XYLT1: variants seen among roughly 807,000 people sequenced by gnomAD.
XYLT1 encodes xylosyltransferase 1.
XYLT1 carries 36 observed loss-of-function variants against 91.3 expected under a neutral mutation model. The observed-to-expected ratio is 0.39, with a 90% confidence interval of 0.30 to 0.52. XYLT1 has a LOEUF of 0.52. Among genes scored for constraint, XYLT1 ranks in the 20% least tolerant of loss-of-function variants. The probability of loss-of-function intolerance (pLI) is 0.68; values close to 1 mark genes in which losing one functional copy is unlikely to be tolerated. For missense variants in XYLT1, 1,242 were observed against 1,284.5 expected, an observed-to-expected ratio of 0.97 and a Z score of 0.51; for synonymous variants, 588 against 532.0, an observed-to-expected ratio of 1.11 and a Z score of -1.45.
intron 1 of XYLT1, among the ~76,000 whole-genome samples, chr16:17,454,728 G>A (rs563778497): frequency 9.2e-5 from 14 of 151,826 alleles, no homozygotes; most frequent in South Asian, 4.2e-4. Context: ...TAGTAGAGAT[G>A]GGGTTTCAAC....
chr16:17,235,867 G>A (rs2033239378), intron 3 of XYLT1, among the ~76,000 whole-genome samples: 1 of 151,902 alleles, frequency 6.6e-6, no homozygotes, highest in Non-Finnish European at 1.5e-5. Context: ...CTTAATCATT[G>A]TTATTATTAT....
At chr16:17,454,202 G>T (rs190800026) in intron 1 of XYLT1, among the ~76,000 whole-genome samples, 1 of 152,166 alleles carries the variant, frequency 6.6e-6, no homozygotes, top group African/African-American at 2.4e-5. Context: ...TATGTTTGCC[G>T]AAAGAGATGT....
intron 3 of XYLT1, 108 bp downstream of exon 3, chr16:17,258,880 A>C: frequency 7.6e-7 from 1 of 1,315,758 alleles, no homozygotes; most frequent in Non-Finnish European, 9.9e-7. Flanking sequence ...GGTTTGGAAA[A>C]CAGGGTGGCC....
intron 6 of XYLT1, among the ~76,000 whole-genome samples, chr16:17,147,938 G>A (rs1383536970): frequency 1.3e-5 from 2 of 152,106 alleles, no homozygotes; most frequent in African/African-American, 4.8e-5. Flanking sequence ...TACAAAAGGT[G>A]ACCAATGATA....
At position 17,259,223 on chromosome 16, in the gene XYLT1, G is replaced by T; in HGVS notation, c.678C>A (p.Asn226Lys). The T allele has an allele frequency of 6.2e-7, 1 of 1,614,038 alleles. No individual in the cohort carries two copies. Among genetic ancestry groups the T allele is most frequent in the Non-Finnish European group, 8.5e-7 (1 of 1,179,988 alleles). The change falls in exon 3 of 12, where the codon AAC becomes AAA. Residue 226 changes from asparagine to lysine, a missense_variant. Asn to Lys is a moderately conservative substitution (Grantham distance 94, BLOSUM62 0). Transcript: ENST00000261381. ...VLPPGDRAAA[N>K]SSHGKDVSRP... The stretch of plus-strand genomic sequence containing the variant: ...TGGACACATCCTTCCCGTGGCTGCT[G>T]TTGGCTGCGGCTCTGTCCCCGGGAG...
At chr16:17,372,251 C>G (rs1204729908) in intron 1 of XYLT1, among the ~76,000 whole-genome samples, 1 of 152,210 alleles carries the variant, frequency 6.6e-6, no homozygotes, top group African/African-American at 2.4e-5. Flanking sequence ...CACATGCTAA[C>G]TGTGTTTACA....
At chr16:17,133,975 T>G (rs554725225) in intron 9 of XYLT1, among the ~76,000 whole-genome samples, 1 of 152,218 alleles carries the variant, frequency 6.6e-6, no homozygotes, top group Non-Finnish European at 1.5e-5. Context: ...GCTGAAATGA[T>G]AGGATGTCTG....
At chr16:17,139,820 CAT>C (rs1355637399) in intron 7 of XYLT1, among the ~76,000 whole-genome samples, 14 of 152,340 alleles carry the variant, frequency 9.2e-5, no homozygotes, top group East Asian at 1.9e-4. Flanking sequence ...GATTACTTAA[CAT>C]GTGTGCAGAA....
intron 1 of XYLT1, among the ~76,000 whole-genome samples, chr16:17,418,205 A>G (rs567107584): frequency 8.9e-4 from 135 of 152,386 alleles, no homozygotes; most frequent in African/African-American, 3.1e-3. Flanking sequence ...ACCCTGTAAG[A>G]TCCAGCATAA....
chr16:17,267,112 G>A (rs2033818661), intron 2 of XYLT1, among the ~76,000 whole-genome samples: 1 of 152,202 alleles, frequency 6.6e-6, no homozygotes. Flanking sequence ...CACAGGGTGA[G>A]GCAGGAAGGA....
At chr16:17,262,799 C>G (rs7206442) in intron 2 of XYLT1, among the ~76,000 whole-genome samples, 10,139 of 152,110 alleles carry the variant, frequency 0.067, 1,105 homozygotes, top group African/African-American at 0.23. Context: ...GAAATTGACC[C>G]CTGCTGCTTT....
chr16:17,222,788 T>TC (rs1199535966), intron 3 of XYLT1, among the ~76,000 whole-genome samples: 9 of 35,888 alleles, frequency 2.5e-4, no homozygotes, highest in African/African-American at 1.4e-3. Flanking sequence ...AAACTCTGTC[T>TC]CAAAAAAAAA....
At chr16:17,464,050 T>TA (rs1315610864) in intron 1 of XYLT1, among the ~76,000 whole-genome samples, 2 of 151,952 alleles carry the variant, frequency 1.3e-5, no homozygotes. Flanking sequence ...GACAAGAAGA[T>TA]AGAGAGTAGA....
chr16:17,186,390 A>G (rs1219721843), intron 5 of XYLT1, among the ~76,000 whole-genome samples: 1 of 151,324 alleles, frequency 6.6e-6, no homozygotes, highest in Non-Finnish European at 1.5e-5. Flanking sequence ...GACGTGAGCC[A>G]CCATGCCCAG....
At chr16:17,243,383 T>C (rs2033379287) in intron 3 of XYLT1, among the ~76,000 whole-genome samples, 1 of 152,168 alleles carries the variant, frequency 6.6e-6, no homozygotes, top group South Asian at 2.1e-4. Context: ...GTCAAACGAA[T>C]TATCTGAAAC....
chr16:17,162,018 G>A (rs2031567599), intron 5 of XYLT1, among the ~76,000 whole-genome samples: 1 of 152,152 alleles, frequency 6.6e-6, no homozygotes, highest in African/African-American at 2.4e-5. Context: ...AATCTCCCAA[G>A]TCCCAGCCAT....
chr16:17,383,805 T>G (rs911509189), intron 1 of XYLT1, among the ~76,000 whole-genome samples: 2 of 147,590 alleles, frequency 1.4e-5, no homozygotes, highest in African/African-American at 5.0e-5. Context: ...CAGAGTGCAA[T>G]GGCAAGATCT....
At chr16:17,165,316 A>G (rs1202838668) in intron 5 of XYLT1, among the ~76,000 whole-genome samples, 1 of 152,164 alleles carries the variant, frequency 6.6e-6, no homozygotes, top group African/African-American at 2.4e-5. Flanking sequence ...TTGTGTAATG[A>G]CCTATGCTGC....
At chr16:17,405,564 C>A (rs2036023505) in intron 1 of XYLT1, among the ~76,000 whole-genome samples, 1 of 152,222 alleles carries the variant, frequency 6.6e-6, no homozygotes, top group Non-Finnish European at 1.5e-5. Flanking sequence ...CTCCTGGCAT[C>A]TTCCTCGGGG....
Sources: allele counts gnomAD v4.1 joint callset (sites outside exome capture counted in the v4.1 genomes callset), GRCh38; gene constraint gnomAD v4.1.1; transcripts MANE v1.5; gene names NCBI Gene and HGNC (gene_info 2026-07-23, HGNC 2026-07-21).